Variants in SNTG2 observed in about 807,000 individuals in gnomAD.
SNTG2 encodes syntrophin gamma 2, also known as gamma-2-syntrophin.
Under a neutral mutation model 70.9 loss-of-function variants are expected in SNTG2, and 74 were observed. That is an observed-to-expected ratio of 1.04 (90% CI 0.86 to 1.27). The LOEUF is 1.27. Among genes scored for constraint, SNTG2 ranks in the 50% most tolerant of loss-of-function variants. The probability of loss-of-function intolerance (pLI) is 0.00; values close to 1 mark genes in which losing one functional copy is unlikely to be tolerated. For missense variants in SNTG2, 717 were observed against 690.7 expected (o/e 1.04, Z -0.43); for synonymous variants, 278 against 273.8 (o/e 1.02, Z -0.15).
chr2:1,191,164 T>C (rs1015582503), intron 8 of SNTG2, among the ~76,000 whole-genome samples: 21 of 152,210 alleles, frequency 1.4e-4, no homozygotes, highest in African/African-American at 5.1e-4. Flanking sequence ...TTCCCATGAC[T>C]TTTACATTTG....
intron 16 of SNTG2, among the ~76,000 whole-genome samples, chr2:1,348,547 G>A (rs2148302901): frequency 6.6e-6 from 1 of 152,282 alleles, no homozygotes; most frequent in Non-Finnish European, 1.5e-5. Flanking sequence ...TTGTCAACAA[G>A]AAAATTTTTC....
At chr2:1,050,645 C>T (rs998855070) in intron 1 of SNTG2, among the ~76,000 whole-genome samples, 36 of 152,084 alleles carry the variant, frequency 2.4e-4, no homozygotes, top group African/African-American at 8.0e-4. Flanking sequence ...ATAGTTGGCC[C>T]TTTGCATTTC....
At chr2:1,049,931 G>A (rs1488119654) in intron 1 of SNTG2, among the ~76,000 whole-genome samples, 1 of 152,208 alleles carries the variant, frequency 6.6e-6, no homozygotes, top group African/African-American at 2.4e-5. Context: ...TCTGCCATCT[G>A]TATGAATCAT....
chr2:1,267,734 T>A (rs1302845747), intron 14 of SNTG2, among the ~76,000 whole-genome samples, 163 bp downstream of exon 14: 2 of 137,586 alleles, frequency 1.5e-5, no homozygotes, highest in African/African-American at 6.0e-5. Flanking sequence ...CACGGAGTCA[T>A]GCGCTCCGTG....
intron 1 of SNTG2, chr2:1,068,142 G>A (rs1442913879): frequency 2.0e-5 from 3 of 152,112 alleles, no homozygotes; most frequent in South Asian, 4.2e-4. Flanking sequence ...TCTTTTTCAA[G>A]AGTGGTCAGG....
At chr2:1,044,727 C>T (rs1026148248) in intron 1 of SNTG2, among the ~76,000 whole-genome samples, 1 of 152,038 alleles carries the variant, frequency 6.6e-6, no homozygotes, top group African/African-American at 2.4e-5. Flanking sequence ...ACCTTGCATC[C>T]CAGGGATAAA....
intron 1 of SNTG2, among the ~76,000 whole-genome samples, chr2:991,380 C>CACAT (rs975227769): frequency 1.0e-4 from 15 of 150,636 alleles, no homozygotes; most frequent in South Asian, 6.3e-4. Context: ...ATTACACACA[C>CACAT]ACACACACAC....
chr2:1,115,737 G>A (rs77739709), intron 4 of SNTG2, among the ~76,000 whole-genome samples: 1 of 118,068 alleles, frequency 8.5e-6, no homozygotes, highest in Non-Finnish European at 1.9e-5. Flanking sequence ...TTAAGCCTCA[G>A]AGTCCTTTGA....
At chr2:1,329,800 C>T (rs909762814) in intron 16 of SNTG2, among the ~76,000 whole-genome samples, 2 of 152,078 alleles carry the variant, frequency 1.3e-5, no homozygotes, top group African/African-American at 4.8e-5. Flanking sequence ...TTGTACCCAT[C>T]GTGTGGGGGA....
intron 1 of SNTG2, among the ~76,000 whole-genome samples, chr2:1,079,757 G>A (rs1404943904): frequency 1.3e-5 from 2 of 152,160 alleles, no homozygotes; most frequent in East Asian, 3.8e-4. Flanking sequence ...ACAATTAACC[G>A]GTAGCAATGG....
In SNTG2 at chr2:1,150,321, G is replaced by A. The variant is rs573871183; in HGVS notation, c.411+12512G>A. Among the ~76,000 whole-genome samples, 3 of 152,302 alleles carry A rather than the reference G, an allele frequency of 2.0e-5. No homozygotes were observed. The East Asian group carries it at 5.8e-4, about 30-fold the overall frequency. ...TCTTACTTTGTATCTATTGGGGATCGAAAAGGCTGTCTGTCACTCATGAGT... is the reference window on the plus strand; with the variant it reads ...TCTTACTTTGTATCTATTGGGGATCAAAAAGGCTGTCTGTCACTCATGAGT... On this transcript the variant is annotated intron_variant, in intron 6 of 16. Transcript: ENST00000308624.
chr2:1,166,223 A>C (rs1034171710), intron 7 of SNTG2, among the ~76,000 whole-genome samples: 3 of 152,198 alleles, frequency 2.0e-5, no homozygotes, highest in African/African-American at 7.2e-5. Context: ...TTGATTTAGC[A>C]GAGGGCATCA....
intron 8 of SNTG2, among the ~76,000 whole-genome samples, chr2:1,174,300 A>G (rs944462936): frequency 1.5e-4 from 22 of 151,678 alleles, no homozygotes; most frequent in African/African-American, 5.3e-4. Flanking sequence ...ATATATATAT[A>G]TATATATATG....
At chr2:1,231,134 A>C (rs1676210066) in intron 9 of SNTG2, among the ~76,000 whole-genome samples, 1 of 150,022 alleles carries the variant, frequency 6.7e-6, no homozygotes, top group African/African-American at 2.5e-5. Context: ...AGGGTGAAAT[A>C]GATCCGAAAG....
At chr2:970,039 A>G (rs1660686802) in intron 1 of SNTG2, among the ~76,000 whole-genome samples, 1 of 152,128 alleles carries the variant, frequency 6.6e-6, no homozygotes. Context: ...ATATACCTTC[A>G]TTGCCTAGTT....
Position 1,083,598 on chromosome 2 carries a change from G to T in SNTG2, c.153G>T (p.Val51=). ...YDIRLKLTKE[V]LTIQKQDVVC... ...TCCGGCTGAAGCTGACGAAAGAGGT[G>T]CTGACAATTCAGAAACAAGATGTTG... The change falls in exon 2 of 17, where the codon GTG becomes GTT. Residue 51 remains valine (V), a synonymous_variant. Coordinates refer to ENST00000308624, the MANE Select transcript of SNTG2 (RefSeq NM_018968.4). The T allele has an allele frequency of 1.2e-6, 2 of 1,613,786 alleles. No homozygotes were observed. Among genetic ancestry groups the T allele is most frequent in the Middle Eastern group, 1.7e-4 (1 of 6,056 alleles).
intron 6 of SNTG2, 89 bp downstream of exon 6, chr2:1,137,898 C>G: frequency 4.1e-6 from 5 of 1,215,150 alleles, no homozygotes; most frequent in South Asian, 3.7e-5. Context: ...CTGAGTCTAT[C>G]CATAGATGCA....
At chr2:1,210,459 T>C (rs1673966218) in intron 9 of SNTG2, 1 of 152,222 alleles carries the variant, frequency 6.6e-6, no homozygotes, top group Non-Finnish European at 1.5e-5. Flanking sequence ...CCCATTAGAT[T>C]GTAAAGGAGC....
intron 8 of SNTG2, among the ~76,000 whole-genome samples, chr2:1,198,731 A>G (rs1673083449): frequency 6.6e-6 from 1 of 152,126 alleles, no homozygotes; most frequent in South Asian, 2.1e-4. Flanking sequence ...AAGATATACA[A>G]AGAATCATCA....
Sources: allele counts gnomAD v4.1 joint callset (sites outside exome capture counted in the v4.1 genomes callset), GRCh38; gene constraint gnomAD v4.1.1; transcripts MANE v1.5; gene names NCBI Gene and HGNC (gene_info 2026-07-23, HGNC 2026-07-21).